ZNF461: variants seen among roughly 807,000 people sequenced by gnomAD.
The protein encoded by ZNF461 is zinc finger protein 461.
In ZNF461, 16 loss-of-function variants were observed where a neutral mutation model predicts 18.3. The observed-to-expected ratio is 0.88, with a 90% CI of 0.59 to 1.33. ZNF461 has a LOEUF of 1.33. ZNF461 is among the 40% of genes most tolerant of loss of function. The probability of loss-of-function intolerance (pLI) is 0.00; values close to 1 mark genes in which losing one functional copy is unlikely to be tolerated. For synonymous variants in ZNF461, 179 were observed against 216.9 expected (o/e 0.83, Z 1.54); for missense variants, 595 against 669.9 (o/e 0.89, Z 1.23).
chr19:36,644,034 G>A (rs1328284138), intron 4 of ZNF461, among the ~76,000 whole-genome samples, 172 bp from the exon 5 acceptor site: 2 of 152,152 alleles, frequency 1.3e-5, no homozygotes, highest in Admixed American at 1.3e-4. Flanking sequence ...CTGGGTTCAA[G>A]CGATTCTCCT....
chr19:36,645,379 C>CT (rs1376374303), intron 4 of ZNF461, among the ~76,000 whole-genome samples: 1 of 152,086 alleles, frequency 6.6e-6, no homozygotes, highest in Non-Finnish European at 1.5e-5. Flanking sequence ...TTAATAAATA[C>CT]TTTTTTCTAT....
intron 2 of ZNF461, 157 bp from the exon 3 acceptor site, chr19:36,658,582 T>C: frequency 4.6e-6 from 3 of 651,942 alleles, no homozygotes; most frequent in Non-Finnish European, 7.7e-6. Context: ...TTAGTGTGAC[T>C]GAAGCGGAGT....
intron 4 of ZNF461, among the ~76,000 whole-genome samples, chr19:36,649,366 T>A (rs2037585575): frequency 6.6e-6 from 1 of 152,124 alleles, no homozygotes; most frequent in Non-Finnish European, 1.5e-5. Context: ...GTCTCACTCT[T>A]GGCGCCCAGG....
chr19:36,647,989 T>C (rs1015503073), intron 4 of ZNF461, among the ~76,000 whole-genome samples: 1 of 151,810 alleles, frequency 6.6e-6, no homozygotes, highest in Non-Finnish European at 1.5e-5. Context: ...CAAGACCAGG[T>C]TGACCATCAT....
At chr19:36,651,841 T>C (rs1259089343) in intron 4 of ZNF461, among the ~76,000 whole-genome samples, 2 of 152,062 alleles carry the variant, frequency 1.3e-5, no homozygotes, top group East Asian at 1.9e-4. Context: ...AAAACTTATA[T>C]GGAAAGAAAA....
At chr19:36,653,420 A>T (rs1290453718) in intron 4 of ZNF461, among the ~76,000 whole-genome samples, 1 of 152,190 alleles carries the variant, frequency 6.6e-6, no homozygotes, top group Non-Finnish European at 1.5e-5. Context: ...TTATACAGAG[A>T]ACAGAACAGT....
chr19:36,664,086 T>C (rs2037862565), intron 2 of ZNF461, among the ~76,000 whole-genome samples: 1 of 152,208 alleles, frequency 6.6e-6, no homozygotes, highest in Non-Finnish European at 1.5e-5. Flanking sequence ...GAAACACTAA[T>C]ATTTTCTTCA....
At chr19:36,657,780 A>AAAAT (rs928335606) in intron 3 of ZNF461, 5 of 152,354 alleles carry the variant, frequency 3.3e-5, no homozygotes, top group Admixed American at 2.6e-4. Flanking sequence ...CTCCGTCTCA[A>AAAAT]AAATAAATAA....
Position 36,664,699 on chromosome 19 carries a change from T to A in ZNF461, c.8A>T (p.His3Leu). The A allele has an allele frequency of 6.6e-7, 1 of 1,512,182 alleles. No homozygotes were observed. The allele number at this position is 1,512,182 out of a possible 1,614,324, so 93.7% of individuals were successfully genotyped here. ...AGGAGCAAGAAAAAACCAACTTACA[T>A]GGGCCATGTCTTATTTTAGAATTGA... is the stretch of plus-strand genomic sequence containing the variant. Reference protein sequence around the residue: MAHELVMFRDVAI... With the variant: MALELVMFRDVAI... Residue 3 changes from histidine to leucine, a missense_variant and splice_region_variant, in exon 2 of 6, where the codon CAT becomes CTT. Transcript: ENST00000588268.
Position 36,664,684 on chromosome 19 carries a change from A to G in ZNF461, c.9+14T>C. 2 of 1,525,600 alleles carry G rather than the reference A, an allele frequency of 1.3e-6. No individual in the cohort carries two copies. The highest frequency in any genetic ancestry group is 1.4e-5 in the African/African-American group (1 of 70,090). 94.5% of individuals were successfully genotyped at this position (1,525,600 alleles called of 1,614,324 possible). On this transcript the variant is annotated intron_variant, in intron 2 of 5. Coordinates refer to ENST00000588268, the MANE Select transcript of ZNF461 (RefSeq NM_153257.5). ...TCAAGTATTGTAATTAGGAGCAAGA[A>G]AAAACCAACTTACATGGGCCATGTC...
chr19:36,640,232 T>C (rs1384160855), intron 5 of ZNF461, 189 bp from the exon 6 acceptor site: 2 of 505,530 alleles, frequency 4.0e-6, no homozygotes, highest in African/African-American at 3.8e-5. Context: ...AGGGAAATAA[T>C]TCAATGGTGC....
rs1227628315 is a variant in ZNF461, at chr19:36,639,051, G to C, written c.1294C>G (p.Gln432Glu). Reference sequence around the variant, plus strand: ...GGTTTCTCACCAGTATGAATCCTCTGATGTAGGGTTAGTTGTAAGCCATCA... The same window carrying C: ...GGTTTCTCACCAGTATGAATCCTCTCATGTAGGGTTAGTTGTAAGCCATCA... ...FCDGLQLTLH[Q>E]RIHTGEKPYE... Residue 432 changes from glutamine (Q) to glutamate (E), a missense_variant, in exon 6 of 6, where the codon CAG becomes GAG. Coordinates refer to ENST00000588268, the MANE Select transcript of ZNF461 (RefSeq NM_153257.5). 3 of 1,613,962 alleles carry C rather than the reference G, an allele frequency of 1.9e-6. No homozygotes were observed. Among genetic ancestry groups the C allele is most frequent in the Non-Finnish European group, 2.5e-6 (3 of 1,180,004 alleles).
chr19:36,661,134 CA>C (rs1260267063), intron 2 of ZNF461, among the ~76,000 whole-genome samples: 1 of 151,888 alleles, frequency 6.6e-6, no homozygotes, highest in Non-Finnish European at 1.5e-5. Flanking sequence ...AAACATTAGC[CA>C]GGGGTGGTGG....
chr19:36,645,223 G>A (rs1465057434), intron 4 of ZNF461: 2 of 152,096 alleles, frequency 1.3e-5, no homozygotes, highest in African/African-American at 4.8e-5. Flanking sequence ...GTGAGACCCT[G>A]TCTCAACAAC....
In ZNF461 at chr19:36,636,878, CA is replaced by C. The variant is rs2037301792; in HGVS notation, c.*1774del. On this transcript the variant is annotated 3_prime_UTR_variant, in exon 6 of 6. Transcript: ENST00000588268. ...GGGAGTGGGCCTAACTAGAAGCCAG[CA>C]TATCTGGCCACATTCCAATGCTTCA... Among the ~76,000 whole-genome samples, 1 of 152,216 alleles carries C rather than the reference CA, an allele frequency of 6.6e-6. No individual in the cohort carries two copies. The highest frequency in any genetic ancestry group is 1.5e-5 in the Non-Finnish European group (1 of 68,048).
At chr19:36,642,237 A>C (rs781302229) in intron 5 of ZNF461, among the ~76,000 whole-genome samples, 10 of 151,990 alleles carry the variant, frequency 6.6e-5, no homozygotes, top group Non-Finnish European at 1.2e-4. Flanking sequence ...AGACCCATTT[A>C]TCATTATTGT....
At chr19:36,655,058 G>T (rs530302146) in intron 4 of ZNF461, among the ~76,000 whole-genome samples, 1 of 152,158 alleles carries the variant, frequency 6.6e-6, no homozygotes, top group African/African-American at 2.4e-5. Context: ...GTACAATCTT[G>T]GCTCACTGTA....
At position 36,639,841 on chromosome 19, in the gene ZNF461, G is replaced by T. The variant is rs759941428; in HGVS notation, c.504C>A (p.Asn168Lys). Reference sequence around the variant, plus strand: ...GGCTAAAAATGGGCATGTTTTCATGGTTAATCATAAGTTGTCTAAAATAAC... The same window carrying T: ...GGCTAAAAATGGGCATGTTTTCATGTTTAATCATAAGTTGTCTAAAATAAC... ...EEGYFRQLMI[N>K]HENMPIFSQH... is the part of the protein sequence containing the mutation. Residue 168 changes from asparagine (N) to lysine (K), a missense_variant, in exon 6 of 6, where the codon AAC becomes AAA. Coordinates refer to ENST00000588268, the MANE Select transcript of ZNF461 (RefSeq NM_153257.5). 13 of 1,613,744 alleles carry T rather than the reference G, an allele frequency of 8.1e-6. No individual in the cohort carries two copies. The highest frequency in any genetic ancestry group is 4.0e-5 in the African/African-American group (3 of 74,912).
chr19:36,641,565 AT>A (rs1378107841), intron 5 of ZNF461, among the ~76,000 whole-genome samples: 2 of 149,358 alleles, frequency 1.3e-5, no homozygotes, highest in African/African-American at 4.9e-5. Flanking sequence ...ATATATATAT[AT>A]GTTTTTTTAC....
Sources: allele counts gnomAD v4.1 joint callset (sites outside exome capture counted in the v4.1 genomes callset), GRCh38; gene constraint gnomAD v4.1.1; transcripts MANE v1.5; gene names NCBI Gene and HGNC (gene_info 2026-07-23, HGNC 2026-07-21).